SKAP2: variants seen among roughly 807,000 people sequenced by gnomAD.
SKAP2 encodes src kinase-associated phosphoprotein 2.
Under a neutral mutation model 54.9 loss-of-function variants are expected in SKAP2, and 28 were observed. That is an observed-to-expected ratio of 0.51 (90% CI 0.38 to 0.70). SKAP2 has a LOEUF of 0.70. SKAP2 is among the 30% of genes least tolerant of loss of function. The pLI is 0.00. For synonymous variants in SKAP2, 137 were observed against 134.3 expected, an observed-to-expected ratio of 1.02 and a Z score of -0.14; for missense variants, 356 against 424.1, an observed-to-expected ratio of 0.84 and a Z score of 1.41.
chr7:26,726,856 T>C, intron 7 of SKAP2, 26 bp downstream of exon 7: 1 of 1,575,326 alleles, frequency 6.3e-7, no homozygotes, highest in Non-Finnish European at 8.6e-7. Context: ...ATCAACTTAA[T>C]TTCAAGGCAA....
intron 3 of SKAP2, among the ~76,000 whole-genome samples, chr7:26,849,682 A>C (rs1420492227): frequency 7.7e-6 from 1 of 130,678 alleles, no homozygotes; most frequent in Admixed American, 7.7e-5. Context: ...GTGAGACTCC[A>C]TCTCAAAAAA....
At chr7:26,659,034 G>A in the SKAP2 span, among the ~76,000 whole-genome samples, 9 of 152,254 alleles carry the variant, frequency 5.9e-5, no homozygotes, top group South Asian at 1.2e-3. Flanking sequence ...TAAGAAATAC[G>A]TGTGTTGGTG....
intron 3 of SKAP2, among the ~76,000 whole-genome samples, chr7:26,847,017 G>A (rs571170284): frequency 2.0e-5 from 3 of 151,928 alleles, no homozygotes; most frequent in Admixed American, 6.6e-5. Context: ...AAAATAAAAC[G>A]CTTTTGGGTT....
At chr7:26,702,532 G>C (rs1046624068) in intron 9 of SKAP2, among the ~76,000 whole-genome samples, 1 of 152,100 alleles carries the variant, frequency 6.6e-6, no homozygotes, top group African/African-American at 2.4e-5. Context: ...CTTAGTGACA[G>C]TTTGTCAGTT....
intron 4 of SKAP2, among the ~76,000 whole-genome samples, chr7:26,809,065 T>C (rs967202282): frequency 6.6e-6 from 1 of 152,094 alleles, no homozygotes; most frequent in Non-Finnish European, 1.5e-5. Flanking sequence ...GGGGTTAAGA[T>C]CCAAAATACA....
intron 4 of SKAP2, among the ~76,000 whole-genome samples, chr7:26,813,443 G>T (rs1784199144): frequency 6.6e-6 from 1 of 152,140 alleles, no homozygotes; most frequent in African/African-American, 2.4e-5. Context: ...CCTTGTATTA[G>T]AACTTCTTTT....
chr7:26,697,071 A>G (rs948079537), intron 9 of SKAP2, among the ~76,000 whole-genome samples: 22 of 152,192 alleles, frequency 1.4e-4, no homozygotes, highest in African/African-American at 5.3e-4. Flanking sequence ...AAAAAATCTT[A>G]GAAGGGAAAG....
intron 4 of SKAP2, among the ~76,000 whole-genome samples, chr7:26,785,121 A>C (rs924820272): frequency 6.6e-6 from 1 of 152,070 alleles, no homozygotes; most frequent in African/African-American, 2.4e-5. Context: ...AAACCTACTA[A>C]ACTCTTTCAA....
At chr7:26,771,426 G>C (rs1783186213) in intron 4 of SKAP2, among the ~76,000 whole-genome samples, 1 of 152,186 alleles carries the variant, frequency 6.6e-6, no homozygotes, top group African/African-American at 2.4e-5. Flanking sequence ...ATGATACGTA[G>C]GGGATGTAAC....
intron 1 of SKAP2, among the ~76,000 whole-genome samples, chr7:26,859,634 G>A (rs1422744328): frequency 6.6e-6 from 1 of 152,186 alleles, no homozygotes; most frequent in Non-Finnish European, 1.5e-5. Context: ...TATTTTGATA[G>A]AAAGCTGGGC....
chr7:26,748,044 A>AATTAT (rs1782595363), intron 4 of SKAP2, among the ~76,000 whole-genome samples: 1 of 152,126 alleles, frequency 6.6e-6, no homozygotes, highest in Non-Finnish European at 1.5e-5. Context: ...ATCCTTCTCC[A>AATTAT]CTCATTTAAA....
intron 9 of SKAP2, among the ~76,000 whole-genome samples, chr7:26,712,345 CA>C (rs1235672353): frequency 1.3e-5 from 2 of 152,056 alleles, no homozygotes; most frequent in African/African-American, 2.4e-5. Context: ...ATATGATGGC[CA>C]AAAATTATCT....
chr7:26,679,415 T>A (rs970005397), intron 11 of SKAP2, among the ~76,000 whole-genome samples: 4 of 152,180 alleles, frequency 2.6e-5, no homozygotes, highest in African/African-American at 9.6e-5. Flanking sequence ...TAGGAGGAGA[T>A]GGGTACTAAA....
At chr7:26,846,287 T>C (rs1006358518) in intron 3 of SKAP2, among the ~76,000 whole-genome samples, 6 of 152,042 alleles carry the variant, frequency 3.9e-5, no homozygotes, top group African/African-American at 7.2e-5. Context: ...CCAAATAATA[T>C]ATAGCAAAGA....
chr7:26,787,228 T>C (rs1386392010), intron 4 of SKAP2, among the ~76,000 whole-genome samples: 3 of 152,192 alleles, frequency 2.0e-5, no homozygotes, highest in Non-Finnish European at 2.9e-5. Context: ...ACTGGGTAAT[T>C]TATAAAGAAA....
intron 4 of SKAP2, among the ~76,000 whole-genome samples, chr7:26,819,078 A>G (rs537243705): frequency 2.0e-5 from 3 of 152,284 alleles, no homozygotes; most frequent in Admixed American, 2.0e-4. Context: ...CTGGGTATAT[A>G]CCCAAAGGCT....
intron 4 of SKAP2, among the ~76,000 whole-genome samples, chr7:26,816,059 T>G (rs373449123): frequency 1.3e-5 from 2 of 152,142 alleles, no homozygotes; most frequent in East Asian, 1.9e-4. Context: ...AGATAATGGT[T>G]GCATATGATG....
intron 6 of SKAP2, among the ~76,000 whole-genome samples, chr7:26,733,990 T>C (rs1032275838): frequency 1.3e-5 from 2 of 152,076 alleles, no homozygotes; most frequent in African/African-American, 4.8e-5. Flanking sequence ...CAAGATCATA[T>C]AGAAGATAAA....
At chr7:26,705,197 T>G (rs781697113) in intron 9 of SKAP2, among the ~76,000 whole-genome samples, 28 of 152,128 alleles carry the variant, frequency 1.8e-4, no homozygotes, top group Admixed American at 2.6e-4. Flanking sequence ...TAACAACTGA[T>G]TTTTTTTAAA....
Sources: allele counts gnomAD v4.1 joint callset (sites outside exome capture counted in the v4.1 genomes callset), GRCh38; gene constraint gnomAD v4.1.1; transcripts MANE v1.5; gene names NCBI Gene and HGNC (gene_info 2026-07-23, HGNC 2026-07-21).